TP63: variants seen among roughly 807,000 people sequenced by gnomAD.
TP63 encodes tumor protein p63.
TP63 carries 17 observed loss-of-function variants against 82.8 expected under a neutral mutation model. The ratio of observed to expected loss-of-function variants is 0.21; its 90% CI spans 0.14 to 0.31. The LOEUF is 0.31. TP63 is among the 10% of genes least tolerant of loss of function. TP63 has a pLI of 1.00. For synonymous variants in TP63, 330 were observed against 321.7 expected (o/e 1.03, Z -0.28); for missense variants, 648 against 895.3 (o/e 0.72, Z 3.52).
chr3:189,623,266 A>C, the TP63 span, among the ~76,000 whole-genome samples: 1 of 152,220 alleles, frequency 6.6e-6, no homozygotes, highest in Non-Finnish European at 1.5e-5. Context: ...TCTATGTCTG[A>C]AAGAGAGGTT....
At chr3:189,642,208 T>C (rs974373798) in intron 1 of TP63, among the ~76,000 whole-genome samples, 2 of 152,228 alleles carry the variant, frequency 1.3e-5, no homozygotes, top group African/African-American at 4.8e-5. Flanking sequence ...TGATTAGCAC[T>C]TTTTATTAAC....
chr3:189,769,278 A>G (rs1723167376), intron 3 of TP63, among the ~76,000 whole-genome samples: 1 of 152,216 alleles, frequency 6.6e-6, no homozygotes. Context: ...ATTCCATGTA[A>G]GGATCAAGTT....
At chr3:189,738,417 C>T (rs1224341388) in intron 2 of TP63, among the ~76,000 whole-genome samples, 1 of 152,126 alleles carries the variant, frequency 6.6e-6, no homozygotes, top group Middle Eastern at 3.2e-3. Context: ...CTGAGGAGGG[C>T]AGAGGTCATG....
chr3:189,839,744 T>C (rs999670354), intron 4 of TP63, among the ~76,000 whole-genome samples: 16 of 152,210 alleles, frequency 1.1e-4, no homozygotes, highest in African/African-American at 3.9e-4. Flanking sequence ...GACCAAGCAC[T>C]GTACCCTGAA....
chr3:189,684,226 A>G (rs1207486828), intron 1 of TP63, among the ~76,000 whole-genome samples: 2 of 152,210 alleles, frequency 1.3e-5, no homozygotes, highest in Non-Finnish European at 2.9e-5. Context: ...ACACTTTTCT[A>G]GGTACCAGAA....
At chr3:189,874,375 T>C (rs1296432821) in intron 10 of TP63, among the ~76,000 whole-genome samples, 3 of 152,146 alleles carry the variant, frequency 2.0e-5, no homozygotes, top group African/African-American at 7.2e-5. Flanking sequence ...CCGGCCTTGT[T>C]ATTATGTTTT....
intron 1 of TP63, among the ~76,000 whole-genome samples, chr3:189,687,866 C>G (rs1258962420): frequency 6.6e-6 from 1 of 152,036 alleles, no homozygotes; most frequent in Non-Finnish European, 1.5e-5. Context: ...TGTTAAATAA[C>G]AGAATGAACA....
At chr3:189,714,157 GTATGTA>G (rs1269972874) in intron 1 of TP63, among the ~76,000 whole-genome samples, 4 of 152,168 alleles carry the variant, frequency 2.6e-5, no homozygotes, top group Non-Finnish European at 4.4e-5. Context: ...GTGTGTATGT[GTATGTA>G]TGTGTGTGTG....
At chr3:189,632,341 G>A (rs1054628672) in intron 1 of TP63, among the ~76,000 whole-genome samples, 2 of 152,038 alleles carry the variant, frequency 1.3e-5, no homozygotes, top group African/African-American at 2.4e-5. Flanking sequence ...GGTCCTTTGC[G>A]TGTTGAAAAT....
At chr3:189,610,142 T>G in the TP63 span, among the ~76,000 whole-genome samples, 6 of 152,246 alleles carry the variant, frequency 3.9e-5, no homozygotes, top group Admixed American at 3.3e-4. Context: ...TTGAGCTTTT[T>G]TTCAAATGCT....
intron 1 of TP63, among the ~76,000 whole-genome samples, chr3:189,705,282 A>G (rs1486676777): frequency 6.6e-6 from 1 of 152,178 alleles, no homozygotes; most frequent in Non-Finnish European, 1.5e-5. Flanking sequence ...GTTTCCTCAT[A>G]TGTAAAATGG....
intron 4 of TP63, among the ~76,000 whole-genome samples, chr3:189,823,320 A>G (rs1486381881): frequency 1.3e-5 from 2 of 152,200 alleles, no homozygotes; most frequent in African/African-American, 4.8e-5. Flanking sequence ...ACTCTATCGC[A>G]TGGGCAGTGT....
At chr3:189,829,954 T>C in intron 4 of TP63, 1 of 352,264 alleles carries the variant, frequency 2.8e-6, no homozygotes, top group Non-Finnish European at 5.8e-6. Flanking sequence ...TATACAATAT[T>C]TTCTTAAATT....
the TP63 span, among the ~76,000 whole-genome samples, chr3:189,609,969 G>A: frequency 6.6e-6 from 1 of 152,110 alleles, no homozygotes; most frequent in Non-Finnish European, 1.5e-5. Flanking sequence ...TGCTTTCCAT[G>A]ACAGTTGAAC....
At chr3:189,852,590 T>C (rs924714890) in intron 4 of TP63, among the ~76,000 whole-genome samples, 1 of 152,220 alleles carries the variant, frequency 6.6e-6, no homozygotes, top group Non-Finnish European at 1.5e-5. Context: ...TCATTTCTAC[T>C]GCCCTAGGTT....
At chr3:189,886,658 G>A in intron 11 of TP63, 107 bp downstream of exon 11, 1 of 1,491,990 alleles carries the variant, frequency 6.7e-7, no homozygotes, top group Non-Finnish European at 9.1e-7. Context: ...AGACACAGTG[G>A]GACAGATCAG....
chr3:189,650,029 C>T (rs973316588), intron 1 of TP63, among the ~76,000 whole-genome samples: 3 of 146,828 alleles, frequency 2.0e-5, no homozygotes, highest in Non-Finnish European at 4.5e-5. Context: ...GTGCTATGTA[C>T]TAAGGTGGGG....
chr3:189,839,040 TAAAAAA>T (rs5855274), intron 4 of TP63, among the ~76,000 whole-genome samples: 19 of 88,604 alleles, frequency 2.1e-4, no homozygotes, highest in African/African-American at 8.2e-4. Context: ...TATCCTAAGC[TAAAAAA>T]AAAAAAAAAA....
At chr3:189,753,721 C>T (rs1013965542) in intron 3 of TP63, among the ~76,000 whole-genome samples, 4 of 151,728 alleles carry the variant, frequency 2.6e-5, no homozygotes, top group Admixed American at 2.6e-4. Flanking sequence ...CTATTGGTTC[C>T]CTCCTGTGCT....
Sources: gnomAD v4.1 joint callset for allele counts (sites outside exome capture counted in the v4.1 genomes callset) on GRCh38, gnomAD v4.1.1 for gene constraint, MANE v1.5 for transcripts, NCBI Gene and HGNC (gene_info 2026-07-23, HGNC 2026-07-21) for gene names.